The following LYRM4 variants were observed in gnomAD, a reference collection of about 807,000 sequenced individuals.
LYRM4 encodes LYR motif containing 4, also known as LYR motif-containing protein 4.
In LYRM4, 9 loss-of-function variants were observed where a neutral mutation model predicts 11.7. The observed-to-expected ratio is 0.77, with a 90% CI of 0.46 to 1.34. The LOEUF is 1.34. LYRM4 is among the 40% of genes most tolerant of loss of function. The pLI, the probability that LYRM4 is intolerant of heterozygous loss-of-function variation, is 0.00. For missense variants in LYRM4, 133 were observed against 112.5 expected (o/e 1.18, Z -0.82); for synonymous variants, 42 against 40.4 (o/e 1.04, Z -0.15).
chr6:5,222,042 T>C (rs1440318488), intron 1 of LYRM4, among the ~76,000 whole-genome samples: 1 of 152,164 alleles, frequency 6.6e-6, no homozygotes, highest in Non-Finnish European at 1.5e-5. Context: ...AGCTCAAGGA[T>C]CATTTGAAGG....
intron 1 of LYRM4, among the ~76,000 whole-genome samples, chr6:5,257,690 T>C (rs1227342585): frequency 1.3e-5 from 2 of 152,154 alleles, no homozygotes; most frequent in African/African-American, 4.8e-5. Flanking sequence ...TGCATGTGAG[T>C]GATCTAGGTT....
intron 1 of LYRM4, among the ~76,000 whole-genome samples, chr6:5,239,129 A>C (rs1046593247): frequency 5.9e-5 from 9 of 152,354 alleles, no homozygotes; most frequent in Non-Finnish European, 1.2e-4. Context: ...TACAAAATGC[A>C]GACAGAAACT....
chr6:5,217,628 T>C (rs148161124), intron 1 of LYRM4, among the ~76,000 whole-genome samples: 168 of 152,392 alleles, frequency 1.1e-3, no homozygotes, highest in Non-Finnish European at 1.7e-3. Context: ...AAATGAAAGC[T>C]ATTCTTCTTA....
At chr6:5,085,540 C>G in the LYRM4 span, 1 of 1,540,174 alleles carries the variant, frequency 6.5e-7, no homozygotes, top group Admixed American at 2.0e-5. Flanking sequence ...AGCGCCCTTC[C>G]GAGAGGCCCC....
At chr6:5,051,766 T>G in the LYRM4 span, among the ~76,000 whole-genome samples, 1 of 152,260 alleles carries the variant, frequency 6.6e-6, no homozygotes, top group East Asian at 1.9e-4. Context: ...AGGATTCTCA[T>G]GTCTGGAAAA....
chr6:5,206,582 G>A (rs1004684072), intron 2 of LYRM4, among the ~76,000 whole-genome samples: 5 of 152,178 alleles, frequency 3.3e-5, no homozygotes, highest in African/African-American at 1.2e-4. Context: ...CTACAGGTGA[G>A]GCCTAGAGGT....
At chr6:5,148,899 C>T (rs952187675) in intron 2 of LYRM4, among the ~76,000 whole-genome samples, 1 of 152,192 alleles carries the variant, frequency 6.6e-6, no homozygotes, top group Non-Finnish European at 1.5e-5. Flanking sequence ...CTGAATTTTT[C>T]CCCTAGAACT....
At chr6:5,118,115 G>GTTTT (rs368008500) in intron 2 of LYRM4, among the ~76,000 whole-genome samples, 6 of 130,526 alleles carry the variant, frequency 4.6e-5, no homozygotes, top group African/African-American at 1.4e-4. Context: ...GTTTTGTTTT[G>GTTTT]TTTTTTTTTT....
downstream of LYRM4, among the ~76,000 whole-genome samples, chr6:5,099,427 A>ATCTATCTATCTC: frequency 6.6e-6 from 1 of 151,066 alleles, no homozygotes; most frequent in Non-Finnish European, 1.5e-5. This position sits in a 1 kb window ranked among gnomAD's most constrained non-coding sequence, Gnocchi z 4.3. Flanking sequence ...CTATCTATCT[A>ATCTATCTATCTC]TATTTTATAG....
downstream of LYRM4, among the ~76,000 whole-genome samples, chr6:5,101,984 T>TTTTTTTTTTTG (rs1561796364): frequency 6.9e-6 from 1 of 144,598 alleles, no homozygotes. Context: ...TTTTTTTTTT[T>TTTTTTTTTTTG]GGAGAGTTAT....
the LYRM4 span, among the ~76,000 whole-genome samples, chr6:5,091,154 G>T: frequency 6.6e-6 from 1 of 152,192 alleles, no homozygotes; most frequent in African/African-American, 2.4e-5. Flanking sequence ...TCCCCAAGAT[G>T]CCAGGACCCG....
chr6:5,235,448 C>T (rs1204169662), intron 1 of LYRM4, among the ~76,000 whole-genome samples: 2 of 152,088 alleles, frequency 1.3e-5, no homozygotes, highest in Non-Finnish European at 2.9e-5. Flanking sequence ...TAGACTAATA[C>T]AGTATTCATT....
intron 1 of LYRM4, among the ~76,000 whole-genome samples, chr6:5,245,089 T>TTAAAAAAA (rs1347789118): frequency 1.3e-4 from 2 of 15,496 alleles, no homozygotes; most frequent in African/African-American, 3.3e-4. Flanking sequence ...AGGAAGACCT[T>TTAAAAAAA]AAAAAAAAAA....
chr6:5,178,788 G>C (rs1376906388), intron 2 of LYRM4, among the ~76,000 whole-genome samples: 1 of 112,296 alleles, frequency 8.9e-6, no homozygotes, highest in African/African-American at 3.4e-5. Flanking sequence ...CTGGGCGACA[G>C]AGTGAGACTC....
chr6:5,052,309 G>A, the LYRM4 span, among the ~76,000 whole-genome samples: 12 of 152,170 alleles, frequency 7.9e-5, no homozygotes, highest in Middle Eastern at 3.4e-3. Flanking sequence ...AAACTTATTA[G>A]TTTATATTTC....
chr6:5,170,655 G>A (rs1258368522), intron 2 of LYRM4, among the ~76,000 whole-genome samples: 1 of 152,080 alleles, frequency 6.6e-6, no homozygotes, highest in Non-Finnish European at 1.5e-5. Context: ...AGGGCTACAC[G>A]AGTAACAGGG....
At chr6:5,167,132 T>G (rs1759131430) in intron 2 of LYRM4, among the ~76,000 whole-genome samples, 1 of 152,238 alleles carries the variant, frequency 6.6e-6, no homozygotes, top group Admixed American at 6.5e-5. Context: ...GTTCAGTTGG[T>G]GTAGATACCT....
At chr6:5,207,213 G>A (rs1761751036) in intron 2 of LYRM4, among the ~76,000 whole-genome samples, 1 of 152,200 alleles carries the variant, frequency 6.6e-6, no homozygotes, top group African/African-American at 2.4e-5. Context: ...AATTAGGAGA[G>A]ATCTTCCCAA....
chr6:5,138,504 A>ATC (rs1757230458), intron 2 of LYRM4, among the ~76,000 whole-genome samples: 4 of 150,272 alleles, frequency 2.7e-5, no homozygotes, highest in Non-Finnish European at 5.9e-5. Context: ...AAAAAAAAAA[A>ATC]AAAAAAAAAA....
Sources: gnomAD v4.1 joint callset for allele counts (sites outside exome capture counted in the v4.1 genomes callset) on GRCh38, gnomAD v4.1.1 for gene constraint, Gnocchi (gnomAD v3.1) non-coding constraint, MANE v1.5 for transcripts, NCBI Gene and HGNC (gene_info 2026-07-23, HGNC 2026-07-21) for gene names.